DIS3L2: variants seen among roughly 807,000 people sequenced by gnomAD.
DIS3L2 encodes DIS3 like 3'-5' exoribonuclease 2, also known as DIS3-like exonuclease 2.
A neutral mutation model predicts 97.5 loss-of-function variants in DIS3L2; 34 were observed. The ratio of observed to expected loss-of-function variants is 0.35; its 90% CI spans 0.27 to 0.46. DIS3L2 has a LOEUF of 0.46. Among genes scored for constraint, DIS3L2 ranks in the 20% least tolerant of loss-of-function variants. The probability of loss-of-function intolerance (pLI) is 1.00; values close to 1 mark genes in which losing one functional copy is unlikely to be tolerated. For missense variants in DIS3L2, 1,038 were observed against 1,146.0 expected (o/e 0.91, Z 1.36); for synonymous variants, 435 against 445.2 (o/e 0.98, Z 0.29).
chr2:231,979,723 A>G lies in DIS3L2; in HGVS notation c.-94+17958A>G, dbSNP rs568857512. 2.6e-5 allele frequency among the ~76,000 whole-genome samples: 4 copies of G among 152,008 alleles called. No individual in the cohort carries two copies. In the South Asian group the frequency reaches 8.3e-4, roughly 32 times the overall value. Reference sequence around the variant, plus strand: ...CTCCTGAGTAGCTGGGATTACAGGCACCTGCCACCACACCCAGCTACTTTT... The same window carrying G: ...CTCCTGAGTAGCTGGGATTACAGGCGCCTGCCACCACACCCAGCTACTTTT... On this transcript the variant is annotated intron_variant, in intron 1 of 20. Coordinates refer to ENST00000325385, the MANE Select transcript of DIS3L2 (RefSeq NM_152383.5).
chr2:232,262,001 C>A (rs976599629), intron 12 of DIS3L2, among the ~76,000 whole-genome samples: 1 of 152,160 alleles, frequency 6.6e-6, no homozygotes, highest in African/African-American at 2.4e-5. Context: ...ATAGCAATTG[C>A]TCTCTGAGTG....
At chr2:232,044,799 A>C (rs1180802632) in intron 5 of DIS3L2, among the ~76,000 whole-genome samples, 1 of 152,168 alleles carries the variant, frequency 6.6e-6, no homozygotes, top group African/African-American at 2.4e-5. Flanking sequence ...AGTGGTGGCC[A>C]GCAAGGAAGG....
chr2:232,099,847 G>A (rs2106322320), intron 6 of DIS3L2, among the ~76,000 whole-genome samples: 1 of 152,214 alleles, frequency 6.6e-6, no homozygotes, highest in East Asian at 1.9e-4. Flanking sequence ...TTAGCATGTA[G>A]ATATTCCTAA....
chr2:232,116,631 A>T (rs978141472), intron 6 of DIS3L2, among the ~76,000 whole-genome samples: 1 of 152,180 alleles, frequency 6.6e-6, no homozygotes, highest in African/African-American at 2.4e-5. Flanking sequence ...TGAGATTTTT[A>T]AAAAGCTATT....
chr2:232,258,256 G>T (rs1033949069), intron 12 of DIS3L2, among the ~76,000 whole-genome samples: 4 of 152,112 alleles, frequency 2.6e-5, no homozygotes, highest in African/African-American at 4.8e-5. Context: ...AAACTCACCT[G>T]CCTACAGAAG....
chr2:232,103,650 TTTC>T (rs1697271361), intron 6 of DIS3L2, among the ~76,000 whole-genome samples: 1 of 152,210 alleles, frequency 6.6e-6, no homozygotes, highest in African/African-American at 2.4e-5. Flanking sequence ...TAGTCTGCAG[TTTC>T]TTCTTGTTTT....
chr2:232,142,397 G>A lies in DIS3L2; in HGVS notation c.950+5678G>A, dbSNP rs1690086906. Among the ~76,000 whole-genome samples the A allele has an allele frequency of 3.9e-5, 6 of 152,254 alleles. No individual in the cohort carries two copies. The South Asian group carries it at 1.0e-3, about 26-fold the overall frequency. ...ACCAAATTGTTCCTTTCCTTGATGA[G>A]CACTGCATGCAGTTTTGGCACTTCT... On this transcript the variant is annotated intron_variant, in intron 8 of 20. Coordinates refer to ENST00000325385, the MANE Select transcript of DIS3L2 (RefSeq NM_152383.5).
At chr2:232,265,259 T>A (rs1462973942) in intron 13 of DIS3L2, among the ~76,000 whole-genome samples, 1 of 152,200 alleles carries the variant, frequency 6.6e-6, no homozygotes, top group Non-Finnish European at 1.5e-5. Flanking sequence ...TGCAGAAGCC[T>A]CTTCTGTCCA....
intron 5 of DIS3L2, among the ~76,000 whole-genome samples, chr2:232,069,828 C>G (rs1018706271): frequency 2.0e-5 from 3 of 152,152 alleles, no homozygotes; most frequent in African/African-American, 7.2e-5. Flanking sequence ...TACACACATA[C>G]ACACAGGCAC....
At chr2:232,252,307 G>T (rs2106267964) in intron 12 of DIS3L2, among the ~76,000 whole-genome samples, 1 of 152,322 alleles carries the variant, frequency 6.6e-6, no homozygotes, top group Non-Finnish European at 1.5e-5. Flanking sequence ...CACTTGGGAG[G>T]CTGAGGCAGG....
At chr2:232,294,373 A>G (rs1351441454) in intron 13 of DIS3L2, among the ~76,000 whole-genome samples, 2 of 152,194 alleles carry the variant, frequency 1.3e-5, no homozygotes, top group Admixed American at 6.5e-5. Context: ...CCTGCTAGCT[A>G]TGCATCCGTG....
chr2:232,091,566 G>A (rs752384345), intron 6 of DIS3L2, among the ~76,000 whole-genome samples: 1 of 152,102 alleles, frequency 6.6e-6, no homozygotes, highest in Non-Finnish European at 1.5e-5. Context: ...TGATGGACAC[G>A]TAGGTTGTTT....
chr2:232,113,370 T>C (rs1697596599), intron 6 of DIS3L2, among the ~76,000 whole-genome samples: 1 of 152,196 alleles, frequency 6.6e-6, no homozygotes, highest in African/African-American at 2.4e-5. Flanking sequence ...TAGTATGCTG[T>C]TCCCTTATGC....
intron 9 of DIS3L2, among the ~76,000 whole-genome samples, chr2:232,188,857 T>C (rs371519239): frequency 1.3e-5 from 2 of 152,180 alleles, no homozygotes; most frequent in South Asian, 2.1e-4. Context: ...AAGAGACTAG[T>C]ATCTAGAGTA....
Position 232,202,297 on chromosome 2 carries a change from C to A in DIS3L2, c.1125-8029C>A, listed in dbSNP as rs555758006. Among the ~76,000 whole-genome samples the A allele has an allele frequency of 1.1e-4, 17 of 152,238 alleles. 1 individual carries two copies. The South Asian group carries it at 3.3e-3, about 30-fold the overall frequency. On this transcript the variant is annotated intron_variant, in intron 9 of 20. Coordinates refer to ENST00000325385, the MANE Select transcript of DIS3L2 (RefSeq NM_152383.5). The stretch of plus-strand genomic sequence containing the variant: ...CCTGTAGTCCCAGCTACTTGGGAGG[C>A]TGTGGCAGGAGAACCGCTTGAACCT...
At chr2:232,110,129 T>C (rs1000974048) in intron 6 of DIS3L2, among the ~76,000 whole-genome samples, 1 of 152,088 alleles carries the variant, frequency 6.6e-6, no homozygotes, top group Non-Finnish European at 1.5e-5. Context: ...ATTAGAGAAA[T>C]ACAAATCAGA....
At chr2:232,044,308 A>T (rs1261208437) in intron 5 of DIS3L2, among the ~76,000 whole-genome samples, 1 of 152,178 alleles carries the variant, frequency 6.6e-6, no homozygotes, top group Non-Finnish European at 1.5e-5. Context: ...AAAGAAAATT[A>T]TGGGTTGAGA....
chr2:232,327,069 G>A (rs2106345012), intron 14 of DIS3L2, among the ~76,000 whole-genome samples: 1 of 152,312 alleles, frequency 6.6e-6, no homozygotes, highest in South Asian at 2.1e-4. Flanking sequence ...GAGAAGGGAT[G>A]TGGAGAGCGC....
Position 232,130,683 on chromosome 2 carries a change from A to C in DIS3L2, c.666A>C (p.Arg222Ser), listed in dbSNP as rs751721861. Residue 222 changes from arginine (R) to serine (S), a missense_variant, in exon 7 of 21, where the codon AGA becomes AGC. Physicochemically the swap from Arg to Ser is moderately radical, Grantham distance 110. Around this residue, in one of 3 missense-constraint regions of DIS3L2, gnomAD observed 813 missense variants for 880.1 expected, o/e 0.92. Transcript: ENST00000325385. The stretch of plus-strand genomic sequence containing the variant: ...CCACCTGCATTTCACAAGACACAAG[A>C]GCTTTATCGGAGAAATCCCTGCAAA... ...DETTCISQDT[R>S]ALSEKSLQRS... 2.8e-5 allele frequency: 45 copies of C among 1,613,932 alleles called. No homozygotes were observed. In the Middle Eastern group the frequency reaches 8.2e-4, roughly 30 times the overall value.
Sources: allele counts gnomAD v4.1 joint callset (sites outside exome capture counted in the v4.1 genomes callset), GRCh38; gene constraint gnomAD v4.1.1; regional missense constraint gnomAD v4.1.1; transcripts MANE v1.5; gene names NCBI Gene and HGNC (gene_info 2026-07-23, HGNC 2026-07-21).